The following ZNF182 variants were observed in gnomAD, a reference collection of about 807,000 sequenced individuals.
ZNF182 encodes zinc finger protein 182.
Under a neutral mutation model 28.1 loss-of-function variants are expected in ZNF182, and 10 were observed. The observed-to-expected ratio is 0.36, with a 90% confidence interval of 0.22 to 0.60. The LOEUF (loss-of-function observed/expected upper bound fraction) is 0.60, where lower values mean the gene tolerates loss of function less well. Ranked by LOEUF, ZNF182 falls within the 20% of genes least tolerant of loss-of-function variation. ZNF182 has a pLI of 0.75. For synonymous variants in ZNF182, 156 were observed against 158.7 expected, an observed-to-expected ratio of 0.98 and a Z score of 0.13; for missense variants, 352 against 453.2, an observed-to-expected ratio of 0.78 and a Z score of 2.03.
chrX:47,981,615 G>A (rs2058905866), intron 5 of ZNF182, among the ~76,000 whole-genome samples: 1 of 112,134 alleles, frequency 8.9e-6, no homozygotes. Context: ...AATTATTCCA[G>A]TGGGGCCGGG....
chrX:47,993,157 T>C (rs2058947541), intron 3 of ZNF182, among the ~76,000 whole-genome samples: 1 of 112,313 alleles, frequency 8.9e-6, no homozygotes, highest in African/African-American at 3.2e-5. Context: ...ATCATGCCCA[T>C]GTTATGGAAC....
chrX:48,001,051 T>G (rs782210190), intron 3 of ZNF182, among the ~76,000 whole-genome samples: 2 of 112,401 alleles, frequency 1.8e-5, no homozygotes, highest in South Asian at 7.3e-4. Flanking sequence ...TACCAAGTAC[T>G]GACAAAAATA....
chrX:47,977,895 C>G, intron 5 of ZNF182, 98 bp from the exon 6 acceptor site: 1 of 798,723 alleles, frequency 1.3e-6, no homozygotes, highest in Non-Finnish European at 1.7e-6. Context: ...ACTATAATCT[C>G]ATTTTATCAG....
chrX:47,985,836 CAAT>C (rs1222616724), intron 3 of ZNF182, among the ~76,000 whole-genome samples: 1 of 111,064 alleles, frequency 9.0e-6, no homozygotes, highest in Non-Finnish European at 1.9e-5. Flanking sequence ...GGAGACACAA[CAAT>C]GATTCCATTA....
intron 3 of ZNF182, among the ~76,000 whole-genome samples, chrX:47,992,346 T>C (rs973157963): frequency 1.8e-4 from 20 of 111,540 alleles, no homozygotes; most frequent in Admixed American, 1.6e-3. Flanking sequence ...TCCTCCCTGT[T>C]CCTAAATGTG....
At chrX:47,994,552 G>C (rs1463493372) in intron 3 of ZNF182, among the ~76,000 whole-genome samples, 3 of 112,026 alleles carry the variant, frequency 2.7e-5, no homozygotes, top group African/African-American at 6.5e-5. Context: ...GGTGGAAAGA[G>C]AAAGAATGAG....
Position 47,976,078 on chromosome X carries a change from A to T in ZNF182, c.*89T>A. 1 of 945,582 alleles carries T rather than the reference A, an allele frequency of 1.1e-6. No individual in the cohort carries two copies. Among genetic ancestry groups the T allele is most frequent in the Admixed American group, 3.6e-5 (1 of 27,998 alleles). 77.9% of individuals were successfully genotyped at this position (945,582 alleles called of 1,213,427 possible). On this transcript the variant is annotated 3_prime_UTR_variant, in exon 6 of 6. Transcript: ENST00000376943. ...AAGGCTGAATTTACTCCCATATTTAAACCACAAGTCAAAATATACTTTTAA... is the reference window on the plus strand; with the variant it reads ...AAGGCTGAATTTACTCCCATATTTATACCACAAGTCAAAATATACTTTTAA...
In ZNF182 at chrX:47,975,231, C is replaced by T. The variant is rs1209606665; in HGVS notation, c.*936G>A. 1 of 111,461 alleles carries T rather than the reference C, an allele frequency of 9.0e-6. No homozygotes were observed. The highest frequency in any genetic ancestry group is 3.3e-5 in the African/African-American group (1 of 30,605). The allele number at this position is 111,461 out of a possible 1,213,427, so 9.2% of individuals were successfully genotyped here. A position where few individuals can be genotyped will look rare whatever the true frequency, so the allele number is the denominator to read the frequency against. ...CCAGGAGTAGGCTGTATGAATATACCACAATTTAGGGAACCAGAACCCTGA... is the reference window on the plus strand; with the variant it reads ...CCAGGAGTAGGCTGTATGAATATACTACAATTTAGGGAACCAGAACCCTGA... On this transcript the variant is annotated 3_prime_UTR_variant, in exon 6 of 6. Transcript: ENST00000376943.
intron 3 of ZNF182, 128 bp downstream of exon 3, chrX:48,002,467 G>A (rs1382305879): frequency 4.0e-6 from 4 of 988,522 alleles, no homozygotes; most frequent in South Asian, 4.1e-5. Flanking sequence ...GCCTTGATCT[G>A]TTGTCTCTTA....
At chrX:47,987,642 A>T (rs2058927517) in intron 3 of ZNF182, among the ~76,000 whole-genome samples, 1 of 112,116 alleles carries the variant, frequency 8.9e-6, no homozygotes, top group Non-Finnish European at 1.9e-5. Context: ...TGCTGTATGA[A>T]CTCAAAGTAT....
chrX:48,002,744 A>C, intron 2 of ZNF182, 91 bp from the exon 3 acceptor site: 1 of 765,022 alleles, frequency 1.3e-6, no homozygotes, highest in Non-Finnish European at 2.0e-6. Context: ...CCCTCACATC[A>C]GCTGGCCATC....
intron 3 of ZNF182, among the ~76,000 whole-genome samples, 179 bp from the exon 4 acceptor site, chrX:47,983,590 CTAAG>C (rs2058914079): frequency 9.0e-6 from 1 of 111,221 alleles, no homozygotes; most frequent in South Asian, 3.7e-4. Context: ...TAAAAAAAAA[CTAAG>C]TAAGAGAATA....
rs1264872457 is a variant in ZNF182 at position 47,996,346 on chromosome X, C to CA, written c.15+6248dup. ...ATATGGTAATTTGCAGGGCAACCAC[C>CA]AAAAAAAAAACTATGTAACTCTGTA... On this transcript the variant is annotated intron_variant, in intron 3 of 5. Transcript: ENST00000376943. Among the ~76,000 whole-genome samples, 120 of 98,502 alleles carry CA rather than the reference C, an allele frequency of 1.2e-3. No individual in the cohort carries two copies. The South Asian group carries it at 0.022, about 18-fold the overall frequency. The allele number at this position is 98,502 out of a possible 115,157, so 85.5% of individuals were successfully genotyped here.
At chrX:47,991,539 TATACTTACA>T (rs1380542581) in intron 3 of ZNF182, among the ~76,000 whole-genome samples, 20 of 112,382 alleles carry the variant, frequency 1.8e-4, no homozygotes, top group African/African-American at 6.5e-4. Flanking sequence ...GGTGGCAAAC[TATACTTACA>T]AGCCTTCCTT....
Position 47,976,649 on chromosome X carries a change from G to A in ZNF182, c.1381C>T (p.His461Tyr). ...KSYLMLHQRG[H>Y]TGEKPYECNE... is the part of the protein sequence containing the mutation. ...CACTCGTAAGGTTTCTCTCCTGTAT[G>A]ACCTCTCTGATGCAGCATGAGGTAG... The change falls in exon 6 of 6, where the codon CAT becomes TAT. Residue 461 changes from histidine to tyrosine, a missense_variant. By Grantham distance (83) the His-to-Tyr change is moderately conservative. Transcript: ENST00000376943. 1 of 1,208,233 alleles carries A rather than the reference G, an allele frequency of 8.3e-7. No homozygotes were observed. The highest frequency in any genetic ancestry group is 1.1e-6 in the Non-Finnish European group (1 of 893,809).
intron 3 of ZNF182, among the ~76,000 whole-genome samples, chrX:47,997,776 A>G (rs952468746): frequency 2.7e-5 from 3 of 111,345 alleles, no homozygotes; most frequent in Non-Finnish European, 5.7e-5. Flanking sequence ...TGGGTGACAG[A>G]GCAAGACTCC....
intron 3 of ZNF182, among the ~76,000 whole-genome samples, chrX:47,989,426 C>CAAAA (rs34874899): frequency 1.1e-5 from 1 of 88,698 alleles, no homozygotes; most frequent in South Asian, 5.9e-4. Flanking sequence ...GACTTCGTCT[C>CAAAA]AAAAAAAAAA....
intron 3 of ZNF182, among the ~76,000 whole-genome samples, chrX:47,997,014 C>G (rs1292289558): frequency 8.9e-6 from 1 of 111,805 alleles, no homozygotes; most frequent in African/African-American, 3.3e-5. Flanking sequence ...GACTAATATA[C>G]CCAGCTACAT....
At chrX:47,997,397 T>C (rs782694221) in intron 3 of ZNF182, among the ~76,000 whole-genome samples, 3 of 109,132 alleles carry the variant, frequency 2.7e-5, no homozygotes, top group South Asian at 3.9e-4. Flanking sequence ...AAGTACACCA[T>C]TGAAATACTA....
Sources: allele counts gnomAD v4.1 joint callset (sites outside exome capture counted in the v4.1 genomes callset), GRCh38; gene constraint gnomAD v4.1.1; transcripts MANE v1.5; gene names NCBI Gene and HGNC (gene_info 2026-07-23, HGNC 2026-07-21).